Variants in LNX2 observed in about 807,000 individuals in gnomAD.
The protein encoded by LNX2 is ligand of numb-protein X 2.
A neutral mutation model predicts 66.2 loss-of-function variants in LNX2; 35 were observed. The ratio of observed to expected loss-of-function variants is 0.53; its 90% CI spans 0.40 to 0.70. The LOEUF (loss-of-function observed/expected upper bound fraction) is 0.70. Ranked by LOEUF, LNX2 falls within the 30% of genes least tolerant of loss-of-function variation. LNX2 has a pLI of 0.00. For missense variants in LNX2, 791 were observed against 850.8 expected, an observed-to-expected ratio of 0.93 and a Z score of 0.87; for synonymous variants, 337 against 315.6, an observed-to-expected ratio of 1.07 and a Z score of -0.72.
chr13:27,590,839 C>T (rs1009157239), intron 1 of LNX2, among the ~76,000 whole-genome samples: 7 of 152,044 alleles, frequency 4.6e-5, no homozygotes, highest in African/African-American at 1.7e-4. Context: ...ATTATCTTAA[C>T]TAAGAACAAG....
chr13:27,556,900 T>C (rs1018147609), intron 6 of LNX2, among the ~76,000 whole-genome samples: 4 of 152,218 alleles, frequency 2.6e-5, no homozygotes, highest in Non-Finnish European at 5.9e-5. Context: ...TGACTACTAC[T>C]ATGAGTGCTC....
chr13:27,617,581 G>A (rs564001459), intron 1 of LNX2, among the ~76,000 whole-genome samples: 12 of 152,176 alleles, frequency 7.9e-5, no homozygotes, highest in Non-Finnish European at 1.3e-4. Flanking sequence ...ATATTTTAAG[G>A]ATAGAAATGC....
chr13:27,588,021 C>CCAAAAAAAAAAAAAAAAAA (rs1955509486), intron 1 of LNX2, among the ~76,000 whole-genome samples: 1 of 93,532 alleles, frequency 1.1e-5, no homozygotes. Context: ...ACTCTTGTCA[C>CCAAAAAAAAAAAAAAAAAA]AAAAAAAAAA....
At chr13:27,577,989 T>TA (rs2138384491) in intron 2 of LNX2, among the ~76,000 whole-genome samples, 1 of 152,334 alleles carries the variant, frequency 6.6e-6, no homozygotes, top group South Asian at 2.1e-4. Flanking sequence ...TGTTCAAAGA[T>TA]AGAGACTGTC....
chr13:27,557,035 A>G (rs915646929), intron 6 of LNX2, among the ~76,000 whole-genome samples: 2 of 152,156 alleles, frequency 1.3e-5, no homozygotes, highest in African/African-American at 4.8e-5. Context: ...AATATCTCCT[A>G]TTTTTACTGA....
At chr13:27,583,185 T>A (rs978624402) in intron 1 of LNX2, among the ~76,000 whole-genome samples, 4 of 5,220 alleles carry the variant, frequency 7.7e-4, no homozygotes, top group Admixed American at 5.3e-3. Context: ...TGTGTGTGTG[T>A]GTGTGTGTGT....
intron 1 of LNX2, among the ~76,000 whole-genome samples, chr13:27,602,958 C>A (rs1006798138): frequency 1.6e-4 from 24 of 152,036 alleles, no homozygotes; most frequent in African/African-American, 5.8e-4. Context: ...AGATATAGTG[C>A]AACATTAAGA....
At chr13:27,583,225 T>C (rs1468328685) in intron 1 of LNX2, among the ~76,000 whole-genome samples, 3,417 of 19,760 alleles carry the variant, frequency 0.17, 763 homozygotes, top group African/African-American at 0.41. Flanking sequence ...TGTGTGTGTG[T>C]GTGTGTGTGT....
At chr13:27,554,015 A>G (rs1445376963) in intron 7 of LNX2, among the ~76,000 whole-genome samples, 2 of 152,200 alleles carry the variant, frequency 1.3e-5, no homozygotes, top group Non-Finnish European at 2.9e-5. Context: ...TTGCTCTGCT[A>G]AGTAATATAA....
chr13:27,565,716 C>A (rs1328649111), intron 4 of LNX2, among the ~76,000 whole-genome samples: 1 of 152,152 alleles, frequency 6.6e-6, no homozygotes. Context: ...AAAAAAAACA[C>A]TGTTTGAAAG....
rs746490200 is a variant in LNX2, at chr13:27,562,503, G to A, written c.1134C>T (p.Asp378=). ...CTCGGTCATTGCTGCTTAGCCTGCC[G>A]TCCTGGGCAGCCAACCCCCCTTCCA... ...DLLEGGLAAQ[D]GRLSSNDRVL... The change falls in exon 5 of 10, where the codon GAC becomes GAT. Residue 378 remains aspartate, a synonymous_variant. Transcript: ENST00000316334. The A allele has an allele frequency of 3.5e-5, 56 of 1,614,024 alleles. No homozygotes were observed. Among genetic ancestry groups the A allele is most frequent in the Admixed American group, 5.0e-5 (3 of 59,992 alleles).
chr13:27,614,016 C>G (rs2138486969), intron 1 of LNX2, among the ~76,000 whole-genome samples: 1 of 152,252 alleles, frequency 6.6e-6, no homozygotes, highest in Middle Eastern at 3.4e-3. Flanking sequence ...TCAGTGAAAA[C>G]ATAGCAGTGG....
At position 27,597,061 on chromosome 13, in the gene LNX2, T is replaced by G. The variant is rs573815118; in HGVS notation, c.-100-15258A>C. Among the ~76,000 whole-genome samples the G allele has an allele frequency of 2.6e-5, 4 of 152,326 alleles. No homozygotes were observed. In the South Asian group the frequency reaches 8.3e-4, roughly 32 times the overall value. ...ATAAACTTCTTTATCATTAGATTAC[T>G]ACTACAGGGAAAAACCTCTAAGGCC... On this transcript the variant is annotated intron_variant, in intron 1 of 9. Coordinates refer to ENST00000316334, the MANE Select transcript of LNX2 (RefSeq NM_153371.4).
intron 1 of LNX2, among the ~76,000 whole-genome samples, chr13:27,602,265 CATTA>C (rs1955665694): frequency 6.6e-6 from 1 of 152,076 alleles, no homozygotes; most frequent in South Asian, 2.1e-4. Flanking sequence ...CTTAAGTCTA[CATTA>C]ATTAAGCTTT....
chr13:27,557,045 A>G (rs1955070439), intron 6 of LNX2, among the ~76,000 whole-genome samples: 1 of 152,200 alleles, frequency 6.6e-6, no homozygotes, highest in Non-Finnish European at 1.5e-5. Context: ...ATTTTTACTG[A>G]CATTTGTTAC....
intron 1 of LNX2, among the ~76,000 whole-genome samples, chr13:27,610,507 T>C (rs1468608226): frequency 6.6e-6 from 1 of 152,152 alleles, no homozygotes; most frequent in Admixed American, 6.5e-5. Flanking sequence ...TGCCTCAAAA[T>C]GGACTAAAAA....
intron 5 of LNX2, 81 bp downstream of exon 5, chr13:27,562,332 G>A: frequency 6.8e-7 from 1 of 1,468,404 alleles, no homozygotes; most frequent in Non-Finnish European, 9.2e-7. Flanking sequence ...CCTGAATTCT[G>A]ATGTTATTGG....
rs71083675 is a variant in LNX2, at chr13:27,560,565, G to GTATATA, written c.1225-586_1225-581dup. Among the ~76,000 whole-genome samples, 419 of 120,006 alleles carry GTATATA rather than the reference G, an allele frequency of 3.5e-3. 20 individuals are homozygous for GTATATA. Among genetic ancestry groups the GTATATA allele is most frequent in the South Asian group, 0.014 (56 of 3,892 alleles). The allele number at this position is 120,006 out of a possible 152,430, so 78.7% of individuals were successfully genotyped here. A position where few individuals can be genotyped will look rare whatever the true frequency, so the allele number is the denominator to read the frequency against. On this transcript the variant is annotated intron_variant, in intron 5 of 9. Transcript: ENST00000316334. ...ATAACAAGACTTTATATGTATGTGTGTATATATATATATATATATAGCATA... is the reference window on the plus strand; with the variant it reads ...ATAACAAGACTTTATATGTATGTGTGTATATATATATATATATATATATATAGCATA...
At chr13:27,598,271 T>C (rs1365529749) in intron 1 of LNX2, among the ~76,000 whole-genome samples, 1 of 148,592 alleles carries the variant, frequency 6.7e-6, no homozygotes, top group African/African-American at 2.5e-5. Flanking sequence ...CAAAGTCCAA[T>C]TACCTAAAGA....
Sources: allele counts gnomAD v4.1 joint callset (sites outside exome capture counted in the v4.1 genomes callset), GRCh38; gene constraint gnomAD v4.1.1; transcripts MANE v1.5; gene names NCBI Gene and HGNC (gene_info 2026-07-23, HGNC 2026-07-21).